Variants in SEMA3C observed in about 807,000 individuals in gnomAD.
SEMA3C encodes semaphorin-3C.
A neutral mutation model predicts 89.4 loss-of-function variants in SEMA3C; 47 were observed. The observed-to-expected ratio is 0.53, with a 90% confidence interval of 0.42 to 0.67. The LOEUF (loss-of-function observed/expected upper bound fraction) is 0.67. SEMA3C is among the 30% of genes least tolerant of loss of function. The pLI, the probability that SEMA3C is intolerant of heterozygous loss-of-function variation, is 0.00. For synonymous variants in SEMA3C, 310 were observed against 320.2 expected, an observed-to-expected ratio of 0.97 and a Z score of 0.34; for missense variants, 839 against 929.1, an observed-to-expected ratio of 0.90 and a Z score of 1.26.
intron 11 of SEMA3C, among the ~76,000 whole-genome samples, chr7:80,791,293 T>A (rs988869545): frequency 2.6e-5 from 4 of 152,122 alleles, no homozygotes; most frequent in Non-Finnish European, 5.9e-5. Context: ...AGTGTTAAGT[T>A]ATATGAGAAA....
chr7:80,863,902 TACATATATATC>T (rs1337440223), intron 2 of SEMA3C, among the ~76,000 whole-genome samples: 1 of 115,276 alleles, frequency 8.7e-6, no homozygotes, highest in Non-Finnish European at 1.7e-5. Flanking sequence ...ACACATATAT[TACATATATATC>T]ACATATATAT....
intron 2 of SEMA3C, among the ~76,000 whole-genome samples, chr7:80,897,292 A>G (rs1296965633): frequency 6.6e-6 from 1 of 152,190 alleles, no homozygotes; most frequent in Non-Finnish European, 1.5e-5. Context: ...ATAAAACACT[A>G]AGAAAAAGGC....
intron 14 of SEMA3C, among the ~76,000 whole-genome samples, chr7:80,760,652 G>A (rs531525612): frequency 6.0e-4 from 91 of 152,238 alleles, no homozygotes; most frequent in African/African-American, 2.1e-3. Flanking sequence ...CATGTAATCG[G>A]TTGTGCTAAC....
intron 2 of SEMA3C, among the ~76,000 whole-genome samples, chr7:80,854,638 A>C (rs1213924246): frequency 6.6e-6 from 1 of 152,174 alleles, no homozygotes; most frequent in Admixed American, 6.5e-5. Flanking sequence ...TCAGTTGGGT[A>C]CAAGACCTGC....
intron 10 of SEMA3C, among the ~76,000 whole-genome samples, chr7:80,798,816 A>G (rs2115648468): frequency 6.6e-6 from 1 of 152,346 alleles, no homozygotes; most frequent in South Asian, 2.1e-4. Flanking sequence ...AGTCAATGAC[A>G]CCTCATAAAA....
chr7:80,772,135 G>A (rs1788447515), intron 12 of SEMA3C, among the ~76,000 whole-genome samples: 1 of 152,078 alleles, frequency 6.6e-6, no homozygotes, highest in African/African-American at 2.4e-5. Context: ...ATAGAGATGA[G>A]GGAGGTATGA....
intron 12 of SEMA3C, among the ~76,000 whole-genome samples, chr7:80,768,736 C>T (rs998130365): frequency 1.3e-4 from 19 of 151,982 alleles, no homozygotes; most frequent in Non-Finnish European, 1.6e-4. Context: ...ATACAACATA[C>T]CAAAACACTT....
At chr7:80,907,438 G>C (rs533583014) in intron 2 of SEMA3C, among the ~76,000 whole-genome samples, 1 of 151,994 alleles carries the variant, frequency 6.6e-6, no homozygotes, top group African/African-American at 2.4e-5. Context: ...TTAATGTTCT[G>C]GTCTCTTGGA....
intron 2 of SEMA3C, among the ~76,000 whole-genome samples, chr7:80,874,422 T>C (rs1791148487): frequency 6.6e-6 from 1 of 151,638 alleles, no homozygotes; most frequent in Admixed American, 6.6e-5. Context: ...CTATGTTCAA[T>C]GCATTATTTA....
chr7:80,833,773 T>G (rs1790064650), intron 2 of SEMA3C, among the ~76,000 whole-genome samples: 1 of 144,616 alleles, frequency 6.9e-6, no homozygotes, highest in Non-Finnish European at 1.5e-5. Flanking sequence ...AAACGACCAT[T>G]TTTTTTTTTT....
chr7:80,896,083 C>T (rs773061442), intron 2 of SEMA3C, among the ~76,000 whole-genome samples: 1 of 151,920 alleles, frequency 6.6e-6, no homozygotes. Flanking sequence ...CCATAGTAGT[C>T]TAAGCATGAT....
intron 2 of SEMA3C, among the ~76,000 whole-genome samples, chr7:80,871,393 A>C (rs1791055144): frequency 6.6e-6 from 1 of 152,304 alleles, no homozygotes; most frequent in East Asian, 1.9e-4. Flanking sequence ...CTTTGTATGT[A>C]AAGCTTCCTA....
At chr7:80,791,612 T>C (rs1171017594) in intron 11 of SEMA3C, among the ~76,000 whole-genome samples, 1 of 152,186 alleles carries the variant, frequency 6.6e-6, no homozygotes, top group Non-Finnish European at 1.5e-5. Flanking sequence ...AAGATGGCAA[T>C]GAACACTTAT....
At chr7:80,865,218 T>G (rs1790897470) in intron 2 of SEMA3C, among the ~76,000 whole-genome samples, 1 of 152,152 alleles carries the variant, frequency 6.6e-6, no homozygotes, top group African/African-American at 2.4e-5. Context: ...ATCTAAAATC[T>G]CCTTGTTCTT....
intron 12 of SEMA3C, among the ~76,000 whole-genome samples, chr7:80,767,282 A>T (rs1455039133): frequency 2.6e-5 from 4 of 152,210 alleles, no homozygotes; most frequent in African/African-American, 9.7e-5. Flanking sequence ...GATATCTCAA[A>T]ATGTAGAGGA....
chr7:80,808,435 G>C (rs979226650), intron 6 of SEMA3C, among the ~76,000 whole-genome samples: 1 of 152,142 alleles, frequency 6.6e-6, no homozygotes, highest in Non-Finnish European at 1.5e-5. Context: ...GCCTTGCATA[G>C]GTCATAATTG....
intron 12 of SEMA3C, among the ~76,000 whole-genome samples, chr7:80,773,055 T>C (rs966226161): frequency 5.9e-5 from 9 of 152,202 alleles, no homozygotes; most frequent in African/African-American, 1.7e-4. Context: ...AGAAAAACAG[T>C]ATAATTTTTT....
intron 13 of SEMA3C, 141 bp from the exon 14 acceptor site, chr7:80,761,798 A>T (rs944709262): frequency 6.1e-5 from 32 of 526,542 alleles, no homozygotes; most frequent in Admixed American, 1.9e-4. Flanking sequence ...TTGTTATATA[A>T]AATACATTTG....
intron 16 of SEMA3C, among the ~76,000 whole-genome samples, chr7:80,750,814 T>C (rs1340685543): frequency 6.6e-6 from 1 of 152,006 alleles, no homozygotes; most frequent in African/African-American, 2.4e-5. Context: ...CAGACGTGAC[T>C]GGCAGTATGT....
Sources: gnomAD v4.1 joint callset for allele counts (sites outside exome capture counted in the v4.1 genomes callset) on GRCh38, gnomAD v4.1.1 for gene constraint, MANE v1.5 for transcripts, NCBI Gene and HGNC (gene_info 2026-07-23, HGNC 2026-07-21) for gene names.